The following INTS2 variants were observed in gnomAD, a reference collection of about 807,000 sequenced individuals.
INTS2 encodes integrator complex subunit 2.
INTS2 carries 57 observed loss-of-function variants against 139.6 expected under a neutral mutation model. The ratio of observed to expected loss-of-function variants is 0.41; its 90% confidence interval spans 0.33 to 0.51. INTS2 has a LOEUF of 0.51. Ranked by LOEUF, INTS2 falls within the 20% of genes least tolerant of loss-of-function variation. INTS2 has a pLI of 0.28. For missense variants in INTS2, 1,196 were observed against 1,436.7 expected (o/e 0.83, Z 2.71); for synonymous variants, 473 against 493.4 (o/e 0.96, Z 0.55).
rs2145899830 is a variant in INTS2 at position 61,870,982 on chromosome 17, T to G, written c.2779-994A>C. On this transcript the variant is annotated intron_variant, in intron 20 of 24. Transcript: ENST00000251334. The surrounding 1 kb of genome is among the most constrained non-coding windows in gnomAD (Gnocchi z 4.4). ...TACCTCATAGGTAGGTTATAAAAAT[T>G]AAATGAGCTAATATATTTAAAGAAC... Among the ~76,000 whole-genome samples the G allele has an allele frequency of 6.6e-6, 1 of 152,304 alleles. No individual in the cohort carries two copies. The highest frequency in any genetic ancestry group is 2.4e-5 in the African/African-American group (1 of 41,566).
chr17:61,869,530 G>T lies in INTS2; in HGVS notation c.3031-150C>A. On this transcript the variant is annotated intron_variant, in intron 21 of 24. Coordinates refer to ENST00000251334, the MANE Select transcript of INTS2 (RefSeq NM_001351695.2). The surrounding 1 kb of genome is among the most constrained non-coding windows in gnomAD (Gnocchi z 5.4). The stretch of plus-strand genomic sequence containing the variant: ...ATGTAACCTGGCATTTCACTTTTCT[G>T]ATGCACTAGAATAGAGATTAAACTA... 2 of 814,246 alleles carry T rather than the reference G, an allele frequency of 2.5e-6. No homozygotes were observed. The highest frequency in any genetic ancestry group is 3.8e-6 in the Non-Finnish European group (2 of 525,316). The allele number at this position is 814,246 out of a possible 1,614,324, so 50.4% of individuals were successfully genotyped here.
Position 61,894,000 on chromosome 17 carries a change from G to T in INTS2, c.1564-101C>A. On this transcript the variant is annotated intron_variant, in intron 12 of 24. Transcript: ENST00000251334. This position sits in a 1 kb window ranked among gnomAD's most constrained non-coding sequence, Gnocchi z 5.4. Reference sequence around the variant, plus strand: ...GACTGTCAACACCTAATACAAGTGTGGTCCCTAGAAATGAATGATGAAAAT... The same window carrying T: ...GACTGTCAACACCTAATACAAGTGTTGTCCCTAGAAATGAATGATGAAAAT... 3.1e-6 allele frequency: 2 copies of T among 641,882 alleles called. No individual in the cohort carries two copies. The highest frequency in any genetic ancestry group is 3.6e-5 in the South Asian group (1 of 28,012). The allele number at this position is 641,882 out of a possible 1,614,324, so 39.8% of individuals were successfully genotyped here.
chr17:61,916,061 A>G (rs981228196), intron 5 of INTS2, among the ~76,000 whole-genome samples: 4 of 152,108 alleles, frequency 2.6e-5, no homozygotes, highest in Non-Finnish European at 2.9e-5. Flanking sequence ...AAAAAGAACA[A>G]AGCCAGAAGC....
Position 61,872,341 on chromosome 17 carries a change from G to A in INTS2, c.2702C>T (p.Thr901Ile), listed in dbSNP as rs759183711. ...TEQDRPSQNN[T>I]IGLVGQTDAP... ...ATCAGTTTGTCCAACTAAACCAATT[G>A]TATTATTCTGGGAAGGCCTATCTTG... The change falls in exon 20 of 25, where the codon ACA becomes ATA. Residue 901 changes from threonine (T) to isoleucine (I), a missense_variant. By Grantham distance (89) the Thr-to-Ile change is moderately conservative. This residue lies in a region of INTS2 where 1,129 missense variants were observed against 1,341.9 expected (regional missense o/e 0.84). Coordinates refer to ENST00000251334, the MANE Select transcript of INTS2 (RefSeq NM_001351695.2). This position sits in a 1 kb window ranked among gnomAD's most constrained non-coding sequence, Gnocchi z 4.8. The A allele has an allele frequency of 6.2e-7, 1 of 1,613,200 alleles. No homozygotes were observed. The highest frequency in any genetic ancestry group is 8.5e-7 in the Non-Finnish European group (1 of 1,179,368).
At position 61,873,535 on chromosome 17, in the gene INTS2, G is replaced by T. The variant is rs1236282939; in HGVS notation, c.2583-1075C>A. 6.6e-6 allele frequency among the ~76,000 whole-genome samples: 1 copy of T among 152,050 alleles called. No individual in the cohort carries two copies. The highest frequency in any genetic ancestry group is 1.5e-5 in the Non-Finnish European group (1 of 68,002). ...AGGTGTAAGCTCACCTATTTCAGTG[G>T]ATTTTTAACAATGATAAATCATTTT... On this transcript the variant is annotated intron_variant, in intron 19 of 24. Coordinates refer to ENST00000251334, the MANE Select transcript of INTS2 (RefSeq NM_001351695.2). This position sits in a 1 kb window ranked among gnomAD's most constrained non-coding sequence, Gnocchi z 4.0.
intron 9 of INTS2, among the ~76,000 whole-genome samples, chr17:61,902,799 G>A (rs1341351263): frequency 1.4e-5 from 2 of 147,896 alleles, no homozygotes; most frequent in Non-Finnish European, 3.0e-5. Context: ...CAACCCAGGA[G>A]TTCAAGATTA....
intron 8 of INTS2, among the ~76,000 whole-genome samples, chr17:61,906,940 G>A (rs2079470577): frequency 7.5e-6 from 1 of 133,834 alleles, no homozygotes; most frequent in South Asian, 2.4e-4. Context: ...CTCCAGCCTG[G>A]GCGACAGACG....
chr17:61,883,979 G>A (rs1486659184), intron 16 of INTS2, among the ~76,000 whole-genome samples: 2 of 148,530 alleles, frequency 1.3e-5, no homozygotes, highest in Non-Finnish European at 3.0e-5. Flanking sequence ...CTTGGATAAC[G>A]TAGTGAGACC....
chr17:61,926,675 A>T lies in INTS2; in HGVS notation c.-18-13T>A, dbSNP rs761938565. 6.3e-7 allele frequency: 1 copy of T among 1,579,944 alleles called. No individual in the cohort carries two copies. The highest frequency in any genetic ancestry group is 8.6e-7 in the Non-Finnish European group (1 of 1,160,190). On this transcript the variant is annotated splice_polypyrimidine_tract_variant and intron_variant, in intron 1 of 24. Coordinates refer to ENST00000251334, the MANE Select transcript of INTS2 (RefSeq NM_001351695.2). ...CTGTTTGTTGATCCTAATGGTAAAA[A>T]TACAAATGAAAGTAGGAGTTTAACT...
At chr17:61,878,481 T>C (rs1180691046) in intron 17 of INTS2, among the ~76,000 whole-genome samples, 3 of 151,926 alleles carry the variant, frequency 2.0e-5, no homozygotes, top group African/African-American at 7.3e-5. Context: ...GGAGAATCAC[T>C]TGAACCCGGA....
intron 17 of INTS2, among the ~76,000 whole-genome samples, chr17:61,880,077 T>C (rs1351192884): frequency 6.6e-6 from 1 of 152,152 alleles, no homozygotes; most frequent in Non-Finnish European, 1.5e-5. Context: ...GGAGTCTCGC[T>C]TTGTCACCCA....
rs376102858 is a variant in INTS2, at chr17:61,875,355, T to A, written c.2457-317A>T. ...TGCTATATGACTCTGTGTAAGTCAC[T>A]GAGGCTCTCTAAACTGTTTCCTCGT... On this transcript the variant is annotated intron_variant, in intron 18 of 24. Coordinates refer to ENST00000251334, the MANE Select transcript of INTS2 (RefSeq NM_001351695.2). The surrounding 1 kb of genome is among the most constrained non-coding windows in gnomAD (Gnocchi z 4.6). Among the ~76,000 whole-genome samples the A allele has an allele frequency of 2.2e-4, 33 of 152,342 alleles. No individual in the cohort carries two copies. In the South Asian group the frequency reaches 4.4e-3, roughly 20 times the overall value.
chr17:61,869,384 T>C lies in INTS2; in HGVS notation c.3031-4A>G, dbSNP rs769269190. 4 of 1,571,010 alleles carry C rather than the reference T, an allele frequency of 2.5e-6. No homozygotes were observed. Among genetic ancestry groups the C allele is most frequent in the Non-Finnish European group, 3.5e-6 (4 of 1,149,980 alleles). Reference sequence around the variant, plus strand: ...GCAAAAGTTCACATGGATAACCCTATCTCAACAAGAAACGGGAAAAAAGTC... The same window carrying C: ...GCAAAAGTTCACATGGATAACCCTACCTCAACAAGAAACGGGAAAAAAGTC... On this transcript the variant is annotated splice_region_variant and splice_polypyrimidine_tract_variant and intron_variant, in intron 21 of 24. Coordinates refer to ENST00000251334, the MANE Select transcript of INTS2 (RefSeq NM_001351695.2). This position sits in a 1 kb window ranked among gnomAD's most constrained non-coding sequence, Gnocchi z 5.4.
At chr17:61,917,736 C>T (rs1443244592) in intron 5 of INTS2, among the ~76,000 whole-genome samples, 1 of 152,068 alleles carries the variant, frequency 6.6e-6, no homozygotes, top group South Asian at 2.1e-4. Flanking sequence ...ATACAATATA[C>T]CCATGTAACA....
intron 15 of INTS2, among the ~76,000 whole-genome samples, chr17:61,888,028 G>T (rs756248141): frequency 4.0e-5 from 6 of 151,772 alleles, no homozygotes; most frequent in Admixed American, 3.9e-4. Flanking sequence ...TTCCAGCCTG[G>T]GTGACAGAGT....
chr17:61,899,364 C>G (rs1026257482), intron 9 of INTS2, among the ~76,000 whole-genome samples: 2 of 152,114 alleles, frequency 1.3e-5, no homozygotes, highest in African/African-American at 4.8e-5. Context: ...GATTCTCCTG[C>G]CTCAGCCTCC....
rs191524129 is a variant in INTS2 at position 61,885,950 on chromosome 17, G to A, written c.1985-945C>T. ...TCACTGTGTTAGCCAGGATGGTCTC[G>A]ATCTCCTGACCTCATGATCCACCCG... On this transcript the variant is annotated intron_variant, in intron 15 of 24. Coordinates refer to ENST00000251334, the MANE Select transcript of INTS2 (RefSeq NM_001351695.2). Among the ~76,000 whole-genome samples the A allele has an allele frequency of 9.6e-3, 1,423 of 148,176 alleles. 23 individuals are homozygous for A. Among genetic ancestry groups the A allele is most frequent in the African/African-American group, 0.033 (1,331 of 40,058 alleles).
At chr17:61,912,386 G>GTT (rs2079536090) in intron 5 of INTS2, among the ~76,000 whole-genome samples, 1 of 57,510 alleles carries the variant, frequency 1.7e-5, no homozygotes, top group African/African-American at 5.1e-5. Context: ...GGGGGGGGGG[G>GTT]GTGCGGGGCA....
In INTS2 at chr17:61,869,720, A is replaced by G. The variant is rs373153178; in HGVS notation, c.3030+17T>C. On this transcript the variant is annotated intron_variant, in intron 21 of 24. Transcript: ENST00000251334. The surrounding 1 kb of genome is among the most constrained non-coding windows in gnomAD (Gnocchi z 5.4). ...AAATAAAGTTCAAACACAAAGCATC[A>G]TTCTTTGGAAACAGACCTGAAAGTG... 3.1e-6 allele frequency: 5 copies of G among 1,609,952 alleles called. No individual in the cohort carries two copies. The highest frequency in any genetic ancestry group is 4.2e-6 in the Non-Finnish European group (5 of 1,176,804).
Sources: allele counts gnomAD v4.1 joint callset (sites outside exome capture counted in the v4.1 genomes callset), GRCh38; gene constraint gnomAD v4.1.1; regional missense constraint gnomAD v4.1.1; non-coding constraint Gnocchi (gnomAD v3.1); transcripts MANE v1.5; gene names NCBI Gene and HGNC (gene_info 2026-07-23, HGNC 2026-07-21).